Variants in BRINP3 observed in about 807,000 individuals in gnomAD.
BRINP3 encodes the protein BMP/retinoic acid inducible neural specific 3.
Under a neutral mutation model 71.0 loss-of-function variants are expected in BRINP3, and 19 were observed. That is an observed-to-expected ratio of 0.27 (90% CI 0.19 to 0.39). The LOEUF (loss-of-function observed/expected upper bound fraction) is 0.39, where lower values mean the gene tolerates loss of function less well. BRINP3 is among the 10% of genes least tolerant of loss of function. The pLI is 1.00. For synonymous variants in BRINP3, 380 were observed against 337.7 expected (o/e 1.13, Z -1.37); for missense variants, 959 against 940.8 (o/e 1.02, Z -0.25).
intron 3 of BRINP3, among the ~76,000 whole-genome samples, chr1:190,274,422 C>T (rs1295382952): frequency 6.6e-6 from 1 of 151,496 alleles, no homozygotes; most frequent in African/African-American, 2.4e-5. Context: ...AACTTCCTTA[C>T]ATTTGAATAT....
chr1:190,117,667 A>G (rs568864460), intron 7 of BRINP3, among the ~76,000 whole-genome samples: 2 of 152,094 alleles, frequency 1.3e-5, no homozygotes. Flanking sequence ...AAAGGATATT[A>G]ACTTACAGAA....
At chr1:190,392,591 A>G (rs769618096) in intron 2 of BRINP3, among the ~76,000 whole-genome samples, 1 of 151,650 alleles carries the variant, frequency 6.6e-6, no homozygotes, top group Non-Finnish European at 1.5e-5. Context: ...GATCCTTTCC[A>G]ATATAAAAGT....
intron 2 of BRINP3, among the ~76,000 whole-genome samples, chr1:190,316,004 C>T (rs1327820340): frequency 1.3e-5 from 2 of 151,792 alleles, no homozygotes; most frequent in East Asian, 1.9e-4. Flanking sequence ...CATCAAAACT[C>T]GTTATGGTTG....
chr1:190,252,496 T>C (rs1432187101), intron 4 of BRINP3, among the ~76,000 whole-genome samples: 1 of 151,982 alleles, frequency 6.6e-6, no homozygotes, highest in Non-Finnish European at 1.5e-5. Flanking sequence ...CTATTGAGGA[T>C]TCCTGTGAAA....
intron 2 of BRINP3, among the ~76,000 whole-genome samples, chr1:190,355,827 T>C (rs576889275): frequency 1.3e-5 from 2 of 151,926 alleles, no homozygotes; most frequent in Non-Finnish European, 2.9e-5. Flanking sequence ...TTTATAGAAC[T>C]GACTTGACTC....
At chr1:190,455,049 T>G (rs974443992) in intron 1 of BRINP3, 109 bp from the exon 2 acceptor site, 16 of 565,208 alleles carry the variant, frequency 2.8e-5, no homozygotes, top group Non-Finnish European at 5.0e-5. Flanking sequence ...TTGTTTTAAA[T>G]TAGTATTATC....
intron 5 of BRINP3, among the ~76,000 whole-genome samples, chr1:190,227,387 A>G (rs931500489): frequency 1.3e-5 from 2 of 151,846 alleles, no homozygotes; most frequent in African/African-American, 4.8e-5. Context: ...TAGAACTTAT[A>G]TATTCGATTT....
At position 190,449,303 on chromosome 1, in the gene BRINP3, G is replaced by A. The variant is rs186677024; in HGVS notation, c.236+5352C>T. Among the ~76,000 whole-genome samples, 256 of 151,710 alleles carry A rather than the reference G, an allele frequency of 1.7e-3. 1 individual carries two copies. The highest frequency in any genetic ancestry group is 1.0e-3 in the Non-Finnish European group (71 of 67,860). On this transcript the variant is annotated intron_variant, in intron 2 of 7. Coordinates refer to ENST00000367462, the MANE Select transcript of BRINP3 (RefSeq NM_199051.3). ...TTTTTTTCTTGCCGTATGGTCTTCT[G>A]TTTCTAGAGATACCACAATTTCCTA...
At chr1:190,177,307 C>T (rs1252449698) in intron 6 of BRINP3, among the ~76,000 whole-genome samples, 3 of 148,200 alleles carry the variant, frequency 2.0e-5, no homozygotes, top group Admixed American at 6.7e-5. Context: ...GGACTACAGG[C>T]GCCCATTACC....
At chr1:190,147,162 G>T (rs1223970765) in intron 7 of BRINP3, among the ~76,000 whole-genome samples, 3 of 151,664 alleles carry the variant, frequency 2.0e-5, no homozygotes, top group Non-Finnish European at 4.4e-5. Flanking sequence ...ATATTCTATG[G>T]GGCTTTCCAT....
At chr1:190,270,942 T>C (rs1662057994) in intron 3 of BRINP3, among the ~76,000 whole-genome samples, 1 of 151,724 alleles carries the variant, frequency 6.6e-6, no homozygotes, top group East Asian at 1.9e-4. Flanking sequence ...ACATAATAAT[T>C]ATATCAAATA....
chr1:190,221,990 A>G (rs918560407), intron 6 of BRINP3, among the ~76,000 whole-genome samples: 5 of 152,054 alleles, frequency 3.3e-5, no homozygotes, highest in African/African-American at 9.7e-5. Context: ...ACACCCTCGT[A>G]TCAGTAATGA....
intron 2 of BRINP3, among the ~76,000 whole-genome samples, chr1:190,405,757 A>G (rs1672243392): frequency 6.6e-6 from 1 of 152,224 alleles, no homozygotes; most frequent in Non-Finnish European, 1.5e-5. Context: ...GGGATTCTGG[A>G]TGTGGATTTA....
chr1:190,342,139 C>A (rs574063287), intron 2 of BRINP3, among the ~76,000 whole-genome samples: 1 of 151,466 alleles, frequency 6.6e-6, no homozygotes, highest in South Asian at 2.1e-4. Flanking sequence ...GGTTCTCTGT[C>A]TTCTGCCTCC....
chr1:190,330,404 A>G (rs1251922739), intron 2 of BRINP3, among the ~76,000 whole-genome samples: 1 of 152,052 alleles, frequency 6.6e-6, no homozygotes, highest in African/African-American at 2.4e-5. Context: ...TAATCATCAA[A>G]GCAATGCAAA....
At chr1:190,369,224 G>GATGTTATTAT in intron 2 of BRINP3, among the ~76,000 whole-genome samples, 2 of 152,036 alleles carry the variant, frequency 1.3e-5, no homozygotes, top group Non-Finnish European at 2.9e-5. Context: ...TTATAATCGG[G>GATGTTATTAT]ACTCCAACAT....
chr1:190,407,591 T>G (rs1672366985), intron 2 of BRINP3, among the ~76,000 whole-genome samples: 1 of 152,206 alleles, frequency 6.6e-6, no homozygotes, highest in African/African-American at 2.4e-5. Flanking sequence ...CAATGTACCA[T>G]TAAATTTATT....
chr1:190,211,220 C>G (rs1201801554), intron 6 of BRINP3, among the ~76,000 whole-genome samples: 1 of 152,034 alleles, frequency 6.6e-6, no homozygotes, highest in African/African-American at 2.4e-5. Flanking sequence ...GATCTGAGAT[C>G]GTGCCACTGC....
chr1:190,139,058 T>C (rs923576249), intron 7 of BRINP3, among the ~76,000 whole-genome samples: 3 of 151,846 alleles, frequency 2.0e-5, no homozygotes, highest in Non-Finnish European at 2.9e-5. Flanking sequence ...GAGTTGAACT[T>C]TGGATTTAGA....
Sources: allele counts gnomAD v4.1 joint callset (sites outside exome capture counted in the v4.1 genomes callset), GRCh38; gene constraint gnomAD v4.1.1; transcripts MANE v1.5; gene names NCBI Gene and HGNC (gene_info 2026-07-23, HGNC 2026-07-21).